The following UNC5D variants were observed in gnomAD, a reference collection of about 807,000 sequenced individuals.
The protein encoded by UNC5D is netrin receptor UNC5D.
In UNC5D, 39 loss-of-function variants were observed where a neutral mutation model predicts 105.4. That is an observed-to-expected ratio of 0.37 (90% CI 0.29 to 0.48). The LOEUF is 0.48. UNC5D is among the 20% of genes least tolerant of loss of function. The probability of loss-of-function intolerance (pLI) is 0.98; values close to 1 mark genes in which losing one functional copy is unlikely to be tolerated. For synonymous variants in UNC5D, 452 were observed against 450.4 expected (o/e 1.00, Z -0.04); for missense variants, 991 against 1,202.4 (o/e 0.82, Z 2.60).
intron 1 of UNC5D, among the ~76,000 whole-genome samples, chr8:35,413,429 G>C (rs563794927): frequency 6.7e-6 from 1 of 150,100 alleles, no homozygotes; most frequent in Non-Finnish European, 1.5e-5. Flanking sequence ...AACTCATTAA[G>C]AATATAGCCA....
intron 11 of UNC5D, among the ~76,000 whole-genome samples, chr8:35,741,255 C>A (rs1326538402): frequency 6.6e-6 from 1 of 152,130 alleles, no homozygotes; most frequent in Non-Finnish European, 1.5e-5. Context: ...ACAGGGTAAT[C>A]TCTCTGTGTG....
At position 35,264,169 on chromosome 8, in the gene UNC5D, A is replaced by G. The variant is rs79678858; in HGVS notation, c.103+28282A>G. Among the ~76,000 whole-genome samples, 14 of 152,336 alleles carry G rather than the reference A, an allele frequency of 9.2e-5. No homozygotes were observed. In the East Asian group the frequency reaches 2.7e-3, roughly 29 times the overall value. The stretch of plus-strand genomic sequence containing the variant: ...TCATCTATATCTAGCTATCGCATAT[A>G]AAGACTAAATTTACAGCAAAAATTG... On this transcript the variant is annotated intron_variant, in intron 1 of 16. Coordinates refer to ENST00000404895, the MANE Select transcript of UNC5D (RefSeq NM_080872.4).
At chr8:35,370,711 T>G (rs979566912) in intron 1 of UNC5D, among the ~76,000 whole-genome samples, 2 of 152,290 alleles carry the variant, frequency 1.3e-5, no homozygotes, top group Non-Finnish European at 2.9e-5. Flanking sequence ...TTGAATCTAT[T>G]CTGTTTGTTG....
At chr8:35,578,360 C>T (rs973582384) in intron 3 of UNC5D, among the ~76,000 whole-genome samples, 5 of 150,914 alleles carry the variant, frequency 3.3e-5, no homozygotes, top group African/African-American at 1.2e-4. Flanking sequence ...ATACCTGTGT[C>T]GAGGAACTTT....
chr8:35,385,769 T>C (rs977337105), intron 1 of UNC5D, among the ~76,000 whole-genome samples: 2 of 152,088 alleles, frequency 1.3e-5, no homozygotes, highest in African/African-American at 2.4e-5. Flanking sequence ...CCGGCCTACC[T>C]ACCTCTTTTT....
chr8:35,345,240 C>T (rs1034059511), intron 1 of UNC5D, among the ~76,000 whole-genome samples: 4 of 151,952 alleles, frequency 2.6e-5, no homozygotes, highest in African/African-American at 9.7e-5. Context: ...TTATTCCTGA[C>T]CTGCTGTGTC....
chr8:35,347,158 G>C (rs553669356), intron 1 of UNC5D, among the ~76,000 whole-genome samples: 2 of 152,168 alleles, frequency 1.3e-5, no homozygotes, highest in Admixed American at 6.6e-5. Flanking sequence ...GTGGTCGACA[G>C]AACACATTGA....
chr8:35,430,053 CTAACAAGT>C lies in UNC5D; in HGVS notation c.104-119237_104-119230del, dbSNP rs1806521032. On this transcript the variant is annotated intron_variant, in intron 1 of 16. Coordinates refer to ENST00000404895, the MANE Select transcript of UNC5D (RefSeq NM_080872.4). ...TCCCCAAGGTGATGTCTTTTGTGTG[CTAACAAGT>C]TGAGCTGGAGGGCTGGCAGCTCCTA... is the stretch of plus-strand genomic sequence containing the variant. 3.3e-5 allele frequency among the ~76,000 whole-genome samples: 5 copies of C among 152,216 alleles called. No individual in the cohort carries two copies. The South Asian group carries it at 1.0e-3, about 32-fold the overall frequency.
At chr8:35,617,638 G>A (rs1156239179) in intron 4 of UNC5D, among the ~76,000 whole-genome samples, 2 of 152,164 alleles carry the variant, frequency 1.3e-5, no homozygotes, top group East Asian at 1.9e-4. Flanking sequence ...TTTGATTTGT[G>A]CAAATTGCAG....
chr8:35,359,129 G>A (rs532840573), intron 1 of UNC5D, among the ~76,000 whole-genome samples: 1 of 152,118 alleles, frequency 6.6e-6, no homozygotes, highest in South Asian at 2.1e-4. Context: ...CTGTCTGGAT[G>A]GCCAAGCAAG....
At chr8:35,740,286 G>A (rs950590727) in intron 11 of UNC5D, among the ~76,000 whole-genome samples, 4 of 152,206 alleles carry the variant, frequency 2.6e-5, no homozygotes, top group African/African-American at 9.6e-5. Flanking sequence ...GACTCTCCAA[G>A]TTTATCTAAT....
At chr8:35,426,662 C>T (rs1036946111) in intron 1 of UNC5D, among the ~76,000 whole-genome samples, 1 of 152,084 alleles carries the variant, frequency 6.6e-6, no homozygotes, top group Non-Finnish European at 1.5e-5. Flanking sequence ...GTACAGTTAC[C>T]ATCCTTAAAA....
intron 1 of UNC5D, among the ~76,000 whole-genome samples, chr8:35,481,717 G>T (rs1038680814): frequency 6.6e-6 from 1 of 152,144 alleles, no homozygotes; most frequent in African/African-American, 2.4e-5. Context: ...TTAATTAATG[G>T]TTTCCATTAA....
intron 1 of UNC5D, among the ~76,000 whole-genome samples, chr8:35,329,070 A>C (rs1011889012): frequency 3.3e-5 from 5 of 152,146 alleles, no homozygotes; most frequent in African/African-American, 2.4e-5. Context: ...CCAATTTAAA[A>C]CAATGTTTTT....
At position 35,247,181 on chromosome 8, in the gene UNC5D, C is replaced by T. The variant is rs187411351; in HGVS notation, c.103+11294C>T. ...AATTCAAAAGAATGATACCAGAAGA[C>T]TAAAGACTATTGATCATTTTACCCT... is the stretch of plus-strand genomic sequence containing the variant. On this transcript the variant is annotated intron_variant, in intron 1 of 16. Transcript: ENST00000404895. 4.2e-3 allele frequency among the ~76,000 whole-genome samples: 632 copies of T among 151,850 alleles called. 9 individuals carry two copies. Among genetic ancestry groups the T allele is most frequent in the African/African-American group, 0.014 (598 of 41,430 alleles).
chr8:35,380,643 C>T (rs1017159750), intron 1 of UNC5D, among the ~76,000 whole-genome samples: 4 of 151,754 alleles, frequency 2.6e-5, no homozygotes, highest in African/African-American at 4.8e-5. Context: ...ATTAGAAAGT[C>T]GAAAGCAAAG....
intron 1 of UNC5D, among the ~76,000 whole-genome samples, chr8:35,272,601 C>G (rs980576240): frequency 7.9e-5 from 12 of 152,132 alleles, no homozygotes; most frequent in African/African-American, 2.7e-4. Context: ...GAGAGGGTGA[C>G]TTAGAGTGAG....
chr8:35,759,500 G>T (rs77331714), intron 14 of UNC5D, 31 bp downstream of exon 14: 3 of 1,596,280 alleles, frequency 1.9e-6, no homozygotes, highest in East Asian at 4.5e-5. Flanking sequence ...TAACAGAAAC[G>T]GCTTTGCTTT....
chr8:35,239,634 A>T (rs1042209614), intron 1 of UNC5D, among the ~76,000 whole-genome samples: 2 of 152,088 alleles, frequency 1.3e-5, no homozygotes, highest in Admixed American at 6.5e-5. Context: ...GGGAAGGCAC[A>T]TGTGTTCACA....
Sources: allele counts gnomAD v4.1 joint callset (sites outside exome capture counted in the v4.1 genomes callset), GRCh38; gene constraint gnomAD v4.1.1; transcripts MANE v1.5; gene names NCBI Gene and HGNC (gene_info 2026-07-23, HGNC 2026-07-21).